Variants in GLDC observed in about 807,000 individuals in gnomAD.
The protein encoded by GLDC is glycine dehydrogenase (decarboxylating), mitochondrial.
In GLDC, 104 loss-of-function variants were observed where a neutral mutation model predicts 121.3. That is an observed-to-expected ratio of 0.86 (90% CI 0.73 to 1.01). GLDC has a LOEUF of 1.01. Among genes scored for constraint, GLDC ranks in the 50% least tolerant of loss-of-function variants. The pLI, the probability that GLDC is intolerant of heterozygous loss-of-function variation, is 0.00. For synonymous variants in GLDC, 546 were observed against 480.6 expected (o/e 1.14, Z -1.78); for missense variants, 1,429 against 1,306.6 (o/e 1.09, Z -1.44).
intron 3 of GLDC, among the ~76,000 whole-genome samples, chr9:6,611,012 TCAAA>T (rs1287476531): frequency 6.6e-6 from 1 of 152,248 alleles, no homozygotes; most frequent in Non-Finnish European, 1.5e-5. Flanking sequence ...CATGTAATAC[TCAAA>T]CATTTTATTT....
At chr9:6,562,548 G>A (rs1817779164) in intron 16 of GLDC, among the ~76,000 whole-genome samples, 1 of 152,128 alleles carries the variant, frequency 6.6e-6, no homozygotes, top group African/African-American at 2.4e-5. Context: ...AACTAAGAAA[G>A]TTGGCTTTAA....
At chr9:6,639,694 A>ATATAT in intron 2 of GLDC, 1 of 138,386 alleles carries the variant, frequency 7.2e-6, no homozygotes. Context: ...TATATGGACA[A>ATATAT]AACAGATTCT....
intron 2 of GLDC, among the ~76,000 whole-genome samples, chr9:6,629,958 T>TGTGTGTATATATATATATATGTGTATA: frequency 5.1e-5 from 4 of 78,660 alleles, no homozygotes; most frequent in Admixed American, 1.3e-4. Flanking sequence ...TATATATATA[T>TGTGTGTATATATATATATATGTGTATA]TTTTTTTTTT....
chr9:6,624,856 C>T (rs1044438289), intron 2 of GLDC, among the ~76,000 whole-genome samples: 1 of 152,072 alleles, frequency 6.6e-6, no homozygotes, highest in Non-Finnish European at 1.5e-5. Context: ...GGCCTGGTGG[C>T]ATGTGCCTGT....
At chr9:6,640,068 T>C (rs1289778669) in intron 2 of GLDC, among the ~76,000 whole-genome samples, 1 of 152,192 alleles carries the variant, frequency 6.6e-6, no homozygotes, top group Non-Finnish European at 1.5e-5. Flanking sequence ...GCTTCCCTTG[T>C]AAACAACCTC....
intron 21 of GLDC, among the ~76,000 whole-genome samples, chr9:6,544,351 A>G (rs1817339411): frequency 6.6e-6 from 1 of 152,072 alleles, no homozygotes; most frequent in Admixed American, 6.6e-5. Flanking sequence ...CCACCTGGAA[A>G]CCTCCGCAGG....
chr9:6,635,062 G>A (rs550461738), intron 2 of GLDC, among the ~76,000 whole-genome samples: 24 of 152,268 alleles, frequency 1.6e-4, no homozygotes, highest in African/African-American at 5.3e-4. Flanking sequence ...AAATAACCAC[G>A]TATTTCCACA....
intron 8 of GLDC, among the ~76,000 whole-genome samples, chr9:6,597,913 G>A (rs973574220): frequency 8.8e-5 from 9 of 101,972 alleles, no homozygotes; most frequent in East Asian, 3.9e-4. Flanking sequence ...CAGCCTGGGC[G>A]ATGGAGCGAG....
intron 15 of GLDC, among the ~76,000 whole-genome samples, chr9:6,575,571 C>T (rs1022620921): frequency 6.6e-6 from 1 of 152,214 alleles, no homozygotes; most frequent in Admixed American, 6.5e-5. Context: ...GAGCCCTGTT[C>T]ACACCACAAT....
rs200397751 is a variant in GLDC, at chr9:6,533,172, A to T, written c.2920-12T>A. On this transcript the variant is annotated splice_polypyrimidine_tract_variant and intron_variant, in intron 24 of 24. Transcript: ENST00000321612. ...GGTTTCACGAAGGGCTGCAAAGGAC[A>T]AAAGATGGAAATGCTGTGAGATGTT... 4 of 1,612,942 alleles carry T rather than the reference A, an allele frequency of 2.5e-6. No individual in the cohort carries two copies. Among genetic ancestry groups the T allele is most frequent in the Non-Finnish European group, 3.4e-6 (4 of 1,179,034 alleles).
chr9:6,561,871 G>C (rs1384498687), intron 16 of GLDC, among the ~76,000 whole-genome samples: 1 of 152,160 alleles, frequency 6.6e-6, no homozygotes, highest in Non-Finnish European at 1.5e-5. Context: ...CTGTGCAAGG[G>C]AAACTAATGT....
chr9:6,640,639 T>C (rs951499699), intron 2 of GLDC, among the ~76,000 whole-genome samples: 9 of 152,220 alleles, frequency 5.9e-5, no homozygotes, highest in African/African-American at 2.2e-4. Flanking sequence ...GGGTTTAGTT[T>C]CTCCTCTCTC....
At chr9:6,589,372 G>C (rs1281970756) in intron 11 of GLDC, 80 bp from the exon 12 acceptor site, 1 of 808,612 alleles carries the variant, frequency 1.2e-6, no homozygotes, top group Non-Finnish European at 2.2e-6. Context: ...TGGGTGGCTG[G>C]GCCACAAAGC....
chr9:6,622,274 C>T (rs1223576336), intron 2 of GLDC, among the ~76,000 whole-genome samples: 1 of 152,036 alleles, frequency 6.6e-6, no homozygotes, highest in Non-Finnish European at 1.5e-5. Context: ...CACGGTCTCC[C>T]TCTCCCTCTT....
intron 3 of GLDC, among the ~76,000 whole-genome samples, chr9:6,615,423 T>C (rs532321800): frequency 7.1e-6 from 1 of 141,416 alleles, no homozygotes; most frequent in South Asian, 2.3e-4. Flanking sequence ...ACTAAAAATT[T>C]AAAAAAAAAA....
intron 8 of GLDC, among the ~76,000 whole-genome samples, chr9:6,600,324 A>C (rs1361910354): frequency 2.0e-5 from 3 of 150,946 alleles, no homozygotes; most frequent in Non-Finnish European, 4.4e-5. Context: ...GCAGTGAGCT[A>C]TGGCCATGCC....
chr9:6,570,474 A>C (rs1817938047), intron 15 of GLDC, among the ~76,000 whole-genome samples: 1 of 152,222 alleles, frequency 6.6e-6, no homozygotes, highest in Admixed American at 6.5e-5. Context: ...ACGGATGGCC[A>C]CCTTTAGTGT....
At chr9:6,569,210 G>T (rs1382473974) in intron 15 of GLDC, 1 of 152,208 alleles carries the variant, frequency 6.6e-6, no homozygotes, top group Admixed American at 6.5e-5. Context: ...ACATGGCAGA[G>T]ATAGGGTGAG....
chr9:6,556,597 A>G (rs1292575106), intron 17 of GLDC, among the ~76,000 whole-genome samples: 1 of 152,182 alleles, frequency 6.6e-6, no homozygotes, highest in East Asian at 1.9e-4. Flanking sequence ...ATTCGAGACC[A>G]GCCTGGCCAA....
Sources: gnomAD v4.1 joint callset for allele counts (sites outside exome capture counted in the v4.1 genomes callset) on GRCh38, gnomAD v4.1.1 for gene constraint, MANE v1.5 for transcripts, NCBI Gene and HGNC (gene_info 2026-07-23, HGNC 2026-07-21) for gene names.